The following DOCK11 variants were observed in gnomAD, a reference collection of about 807,000 sequenced individuals.
The protein encoded by DOCK11 is dedicator of cytokinesis 11, also known as dedicator of cytokinesis protein 11.
In DOCK11, 70 loss-of-function variants were observed where a neutral mutation model predicts 169.1. That is an observed-to-expected ratio of 0.41 (90% confidence interval 0.34 to 0.51). DOCK11 has a LOEUF of 0.51. Ranked by LOEUF, DOCK11 falls within the 20% of genes least tolerant of loss-of-function variation. DOCK11 has a pLI of 0.10. For synonymous variants in DOCK11, 529 were observed against 541.3 expected (o/e 0.98, Z 0.32); for missense variants, 1,166 against 1,538.8 (o/e 0.76, Z 4.05).
chrX:118,593,141 G>A (rs1377594370), intron 19 of DOCK11, 73 bp from the exon 20 acceptor site: 1 of 1,094,835 alleles, frequency 9.1e-7, no homozygotes. Context: ...GCAGTATGAT[G>A]AAACTGAACT....
chrX:118,610,785 T>C (rs2014663222), intron 28 of DOCK11, among the ~76,000 whole-genome samples: 2 of 111,769 alleles, frequency 1.8e-5, no homozygotes, highest in Non-Finnish European at 3.8e-5. Flanking sequence ...ACACCTGTAA[T>C]CCCAGCACTT....
At chrX:118,543,083 CTT>C in intron 3 of DOCK11, 68 bp downstream of exon 3, 1 of 822,474 alleles carries the variant, frequency 1.2e-6, no homozygotes, top group African/African-American at 2.1e-5. Flanking sequence ...ATTTATATGT[CTT>C]TATGTATTTG....
At chrX:118,657,858 GACTAC>G (rs2016114310) in intron 44 of DOCK11, among the ~76,000 whole-genome samples, 3 of 109,957 alleles carry the variant, frequency 2.7e-5, no homozygotes, top group Non-Finnish European at 5.7e-5. Context: ...AGGAATTAAA[GACTAC>G]ACATTGGGTA....
In DOCK11 at chrX:118,614,656, T is replaced by C. The variant is rs369556781; in HGVS notation, c.3097-36T>C. On this transcript the variant is annotated intron_variant, in intron 28 of 52. Coordinates refer to ENST00000276202, the MANE Select transcript of DOCK11 (RefSeq NM_144658.4). ...TTTAAAATTTAGACTTTTAGAATTA[T>C]GTAATTAACCCTTAGTTTTGTTTTG... 5.1e-6 allele frequency: 5 copies of C among 972,282 alleles called. No homozygotes were observed. The Admixed American group carries it at 8.2e-5, about 16-fold the overall frequency. 80.1% of individuals were successfully genotyped at this position (972,282 alleles called of 1,213,427 possible).
chrX:118,501,142 G>A (rs1218789875), intron 1 of DOCK11, among the ~76,000 whole-genome samples: 1 of 110,879 alleles, frequency 9.0e-6, no homozygotes, highest in Admixed American at 9.6e-5. Flanking sequence ...AACTATAAAG[G>A]TAAATAGCTA....
intron 4 of DOCK11, 63 bp from the exon 5 acceptor site, chrX:118,545,260 G>C (rs1397509895): frequency 2.6e-6 from 2 of 775,542 alleles, no homozygotes; most frequent in African/African-American, 5.4e-5. Context: ...TTGTGTTTTT[G>C]TGTTGTTTTT....
intron 6 of DOCK11, among the ~76,000 whole-genome samples, chrX:118,548,078 G>T (rs1167649194): frequency 5.4e-5 from 6 of 111,034 alleles, no homozygotes; most frequent in African/African-American, 3.3e-5. Context: ...ATGAAGGAAT[G>T]AATGGTTTTA....
intron 24 of DOCK11, among the ~76,000 whole-genome samples, chrX:118,606,285 T>G (rs1945580182): frequency 9.0e-6 from 1 of 111,047 alleles, no homozygotes; most frequent in African/African-American, 3.3e-5. Context: ...GTCGGGCTGG[T>G]CTCAAACTCC....
Position 118,570,616 on chromosome X carries a change from A to G in DOCK11, c.1036-1707A>G, listed in dbSNP as rs182283745. 2.7e-3 allele frequency among the ~76,000 whole-genome samples: 309 copies of G among 112,420 alleles called. 1 individual carries two copies. The highest frequency in any genetic ancestry group is 9.6e-3 in the African/African-American group (297 of 30,992). ...TAGGTTAGAACAGCTATAATTATCC[A>G]GTATTCTTCAGGCATAATACCTGTT... On this transcript the variant is annotated intron_variant, in intron 10 of 52. Transcript: ENST00000276202.
At chrX:118,552,665 T>C in intron 6 of DOCK11, among the ~76,000 whole-genome samples, 1 of 112,460 alleles carries the variant, frequency 8.9e-6, no homozygotes, top group Admixed American at 9.4e-5. Flanking sequence ...GTCACAGTGC[T>C]CTGTGCCCAA....
At chrX:118,614,265 A>G (rs571224391) in intron 28 of DOCK11, among the ~76,000 whole-genome samples, 2 of 111,799 alleles carry the variant, frequency 1.8e-5, no homozygotes, top group Non-Finnish European at 3.8e-5. Flanking sequence ...CCTCACTTTC[A>G]TCAGCTAACA....
At chrX:118,518,271 G>A (rs1024122855) in intron 1 of DOCK11, among the ~76,000 whole-genome samples, 3 of 111,463 alleles carry the variant, frequency 2.7e-5, no homozygotes, top group Admixed American at 1.9e-4. Flanking sequence ...ATTATGATGC[G>A]CATCTTGGTA....
At position 118,655,666 on chromosome X, in the gene DOCK11, A is replaced by G. The variant is rs2016048462; in HGVS notation, c.4969+705A>G. On this transcript the variant is annotated intron_variant, in intron 44 of 52. Transcript: ENST00000276202. ...ACAGTATTGTTGGCTACTGCTCAAC[A>G]GTATTGTTGAACAAACTGCATCTGC... 3.6e-5 allele frequency among the ~76,000 whole-genome samples: 4 copies of G among 112,083 alleles called. No individual in the cohort carries two copies. In the Admixed American group the frequency reaches 3.8e-4, roughly 11 times the overall value.
chrX:118,584,710 A>G (rs780003131), intron 14 of DOCK11, 25 bp from the exon 15 acceptor site: 3 of 1,108,430 alleles, frequency 2.7e-6, no homozygotes, highest in Admixed American at 6.6e-5. Context: ...TTTTTTTTAA[A>G]AAAATGCTTC....
At chrX:118,628,393 C>A in intron 34 of DOCK11, 121 bp downstream of exon 34, 1 of 427,673 alleles carries the variant, frequency 2.3e-6, no homozygotes, top group Non-Finnish European at 4.1e-6. Context: ...GAAAAGCATC[C>A]CATAATTCTT....
chrX:118,631,078 A>G (rs1377791598), intron 35 of DOCK11, among the ~76,000 whole-genome samples: 2 of 111,116 alleles, frequency 1.8e-5, no homozygotes, highest in Non-Finnish European at 3.8e-5. Context: ...GACTTTCATA[A>G]ACTGCATGTC....
intron 1 of DOCK11, among the ~76,000 whole-genome samples, chrX:118,501,187 A>G (rs2057573611): frequency 1.8e-5 from 2 of 111,943 alleles, no homozygotes; most frequent in Non-Finnish European, 3.8e-5. Flanking sequence ...TAAATTAATT[A>G]AAAATAATCA....
intron 48 of DOCK11, 27 bp downstream of exon 48, chrX:118,676,764 CATT>C (rs1569448079): frequency 1.7e-6 from 2 of 1,155,188 alleles, no homozygotes; most frequent in East Asian, 3.1e-5. Flanking sequence ...ATGTTGAAAT[CATT>C]ATTTGTTAGT....
rs745499596 is a variant in DOCK11, at chrX:118,616,203, T to A, written c.3292+492T>A. The A allele has an allele frequency of 1.3e-4, 125 of 952,669 alleles. No homozygotes were observed. The South Asian group carries it at 2.5e-3, about 19-fold the overall frequency. The allele number at this position is 952,669 out of a possible 1,213,427, so 78.5% of individuals were successfully genotyped here. On this transcript the variant is annotated intron_variant, in intron 30 of 52. Transcript: ENST00000276202. ...CTTTTCTTTTCATATATTAATTAGA[T>A]TTTTTTTCATTTGCGGTGGACCGTT...
Sources: allele counts gnomAD v4.1 joint callset (sites outside exome capture counted in the v4.1 genomes callset), GRCh38; gene constraint gnomAD v4.1.1; transcripts MANE v1.5; gene names NCBI Gene and HGNC (gene_info 2026-07-23, HGNC 2026-07-21).